The following GGT7 variants were observed in gnomAD, a reference collection of about 807,000 sequenced individuals.
GGT7 encodes the protein glutathione hydrolase 7.
GGT7 carries 30 observed loss-of-function variants against 69.2 expected under a neutral mutation model. That is an observed-to-expected ratio of 0.43 (90% CI 0.32 to 0.59). The LOEUF (loss-of-function observed/expected upper bound fraction) is 0.59. Ranked by LOEUF, GGT7 falls within the 20% of genes least tolerant of loss-of-function variation. The pLI is 0.05. For missense variants in GGT7, 733 were observed against 901.1 expected (o/e 0.81, Z 2.39); for synonymous variants, 388 against 391.8 (o/e 0.99, Z 0.12).
At chr20:34,872,574 G>A in intron 1 of GGT7, 73 bp downstream of exon 1, 1 of 1,029,940 alleles carries the variant, frequency 9.7e-7, no homozygotes, top group Non-Finnish European at 1.3e-6. Flanking sequence ...AGCTGGAGGT[G>A]GATGCTTGAC....
chr20:34,857,803 G>A, intron 7 of GGT7, among the ~76,000 whole-genome samples: 1 of 152,032 alleles, frequency 6.6e-6, no homozygotes. Context: ...ATGTTTTGTA[G>A]AGATGGGGTC....
At position 34,853,217 on chromosome 20, in the gene GGT7, T is replaced by A. The variant is rs552570716; in HGVS notation, c.1320-679A>T. 5.9e-5 allele frequency among the ~76,000 whole-genome samples: 9 copies of A among 152,258 alleles called. No individual in the cohort carries two copies. In the South Asian group the frequency reaches 8.3e-4, roughly 14 times the overall value. The stretch of plus-strand genomic sequence containing the variant: ...ACCTCGGCCTCCCAAAGTGCTGGGA[T>A]TACAGGCATGAGCCACCACATCCAG... On this transcript the variant is annotated intron_variant, in intron 10 of 14. Coordinates refer to ENST00000336431, the MANE Select transcript of GGT7 (RefSeq NM_178026.3).
chr20:34,862,768 A>G (rs750216611), intron 3 of GGT7, 46 bp downstream of exon 3: 12 of 1,598,686 alleles, frequency 7.5e-6, no homozygotes, highest in Non-Finnish European at 9.4e-6. Context: ...ACAGACCTGG[A>G]GGCAAGAAGT....
intron 1 of GGT7, among the ~76,000 whole-genome samples, chr20:34,868,567 C>A (rs1218611079): frequency 2.0e-5 from 3 of 152,042 alleles, no homozygotes; most frequent in Admixed American, 2.0e-4. Context: ...TGCTTGGATA[C>A]CACTTCTCAT....
At position 34,859,433 on chromosome 20, in the gene GGT7, G is replaced by A. The variant is rs372552657; in HGVS notation, c.1014+10C>T. On this transcript the variant is annotated intron_variant, in intron 7 of 14. Transcript: ENST00000336431. Reference sequence around the variant, plus strand: ...GGGCATGCCCCCACCCGCACAACACGAGCACTTACCTCGGCCACCATCTCC... The same window carrying A: ...GGGCATGCCCCCACCCGCACAACACAAGCACTTACCTCGGCCACCATCTCC... The A allele has an allele frequency of 1.3e-5, 20 of 1,567,784 alleles. No individual in the cohort carries two copies. Among genetic ancestry groups the A allele is most frequent in the Admixed American group, 7.0e-5 (4 of 57,382 alleles).
chr20:34,858,845 C>A (rs2079535834), intron 7 of GGT7, among the ~76,000 whole-genome samples: 1 of 152,140 alleles, frequency 6.6e-6, no homozygotes, highest in South Asian at 2.1e-4. Flanking sequence ...GGCATCACCC[C>A]TGAGAAGCCC....
chr20:34,856,627 C>T (rs2079495962), intron 8 of GGT7, among the ~76,000 whole-genome samples, 179 bp downstream of exon 8: 1 of 152,238 alleles, frequency 6.6e-6, no homozygotes. Flanking sequence ...ACTGACCCCA[C>T]AGCTACTTTT....
chr20:34,850,310 C>G (rs1036771434), intron 13 of GGT7: 2 of 660,056 alleles, frequency 3.0e-6, no homozygotes, highest in Non-Finnish European at 5.5e-6. Context: ...GGAAGATACA[C>G]CACTAGAACC....
chr20:34,858,123 A>G (rs879473048), intron 7 of GGT7, among the ~76,000 whole-genome samples: 3 of 152,148 alleles, frequency 2.0e-5, no homozygotes, highest in Non-Finnish European at 4.4e-5. Context: ...GAAACCTATG[A>G]TGAGCTAATA....
At chr20:34,865,364 A>AT (rs1211785135) in intron 1 of GGT7, among the ~76,000 whole-genome samples, 1 of 150,768 alleles carries the variant, frequency 6.6e-6, no homozygotes, top group Non-Finnish European at 1.5e-5. Context: ...TAATTTTTGT[A>AT]TTTTTTGTAG....
At chr20:34,852,338 T>G in intron 11 of GGT7, 51 bp downstream of exon 11, 5 of 1,058,244 alleles carry the variant, frequency 4.7e-6, no homozygotes, top group Non-Finnish European at 7.4e-6. Context: ...CCCCACCCCC[T>G]CTTGGTTCAG....
chr20:34,859,183 A>G (rs1055030429), intron 7 of GGT7, among the ~76,000 whole-genome samples: 2 of 152,010 alleles, frequency 1.3e-5, no homozygotes, highest in African/African-American at 4.8e-5. Flanking sequence ...AAAAAAAAAA[A>G]AAGACAACAC....
At chr20:34,859,892 C>T in intron 6 of GGT7, 77 bp downstream of exon 6, 2 of 1,091,052 alleles carry the variant, frequency 1.8e-6, no homozygotes, top group Non-Finnish European at 2.7e-6. Context: ...GCCTCTCTGG[C>T]TTGGGCTCCA....
intron 8 of GGT7, among the ~76,000 whole-genome samples, chr20:34,855,589 T>C (rs2079476853): frequency 6.6e-6 from 1 of 152,116 alleles, no homozygotes; most frequent in Non-Finnish European, 1.5e-5. Context: ...ATTCAGTGCA[T>C]GCTCTGATCA....
chr20:34,852,452 C>T lies in GGT7; in HGVS notation c.1406G>A (p.Gly469Glu). ...APLLPVYELD[G>E]APTAAQVLIM... is the part of the protein sequence containing the mutation. The stretch of plus-strand genomic sequence containing the variant: ...CAGCACCTGGGCAGCCGTGGGAGCT[C>T]CGTCTAGTTCATAGACAGGCAGGAG... The change falls in exon 11 of 15, where the codon GGA becomes GAA. Residue 469 changes from glycine to glutamate, a missense_variant. Transcript: ENST00000336431. The T allele has an allele frequency of 6.2e-7, 1 of 1,613,680 alleles. No individual in the cohort carries two copies. Among genetic ancestry groups the T allele is most frequent in the Admixed American group, 1.7e-5 (1 of 59,904 alleles).
intron 3 of GGT7, among the ~76,000 whole-genome samples, chr20:34,862,407 A>G (rs745438403): frequency 6.6e-6 from 1 of 152,106 alleles, no homozygotes; most frequent in Non-Finnish European, 1.5e-5. Context: ...GCCAGCTTGT[A>G]ACTTCTAAGA....
chr20:34,859,338 G>C, intron 7 of GGT7, 105 bp downstream of exon 7: 1 of 771,642 alleles, frequency 1.3e-6, no homozygotes. Flanking sequence ...AAATAATATA[G>C]AAAGAAAGGG....
At position 34,859,355 on chromosome 20, in the gene GGT7, G is replaced by T. The variant is rs140375892; in HGVS notation, c.1014+88C>A. 369 of 935,054 alleles carry T rather than the reference G, an allele frequency of 3.9e-4. 3 individuals are homozygous for T. In the African/African-American group the frequency reaches 5.2e-3, roughly 13 times the overall value. The allele number at this position is 935,054 out of a possible 1,614,324, so 57.9% of individuals were successfully genotyped here. A position where few individuals can be genotyped will look rare whatever the true frequency, so the allele number is the denominator to read the frequency against. ...ATAATATAGAAAGAAAGGGAGGGAG[G>T]GAGGGAAGGAAGGAAAAAATGCGGA... On this transcript the variant is annotated intron_variant, in intron 7 of 14. Coordinates refer to ENST00000336431, the MANE Select transcript of GGT7 (RefSeq NM_178026.3).
intron 1 of GGT7, among the ~76,000 whole-genome samples, chr20:34,865,672 G>A (rs2079678796): frequency 6.6e-6 from 1 of 152,210 alleles, no homozygotes; most frequent in Non-Finnish European, 1.5e-5. Flanking sequence ...TGGTGGGATA[G>A]GGGTACAAGG....
Sources: gnomAD v4.1 joint callset for allele counts (sites outside exome capture counted in the v4.1 genomes callset) on GRCh38, gnomAD v4.1.1 for gene constraint, MANE v1.5 for transcripts, NCBI Gene and HGNC (gene_info 2026-07-23, HGNC 2026-07-21) for gene names.